XRRA1: variants seen among roughly 807,000 people sequenced by gnomAD.
XRRA1 encodes the protein X-ray radiation resistance associated 1.
In XRRA1, 69 loss-of-function variants were observed where a neutral mutation model predicts 80.2. The observed-to-expected ratio is 0.86, with a 90% CI of 0.71 to 1.05. The LOEUF (loss-of-function observed/expected upper bound fraction) is 1.05, where lower values mean the gene tolerates loss of function less well. XRRA1 is among the 50% of genes least tolerant of loss of function. The pLI, the probability that XRRA1 is intolerant of heterozygous loss-of-function variation, is 0.00. For synonymous variants in XRRA1, 348 were observed against 389.9 expected, an observed-to-expected ratio of 0.89 and a Z score of 1.27; for missense variants, 967 against 976.4, an observed-to-expected ratio of 0.99 and a Z score of 0.13.
intron 8 of XRRA1, among the ~76,000 whole-genome samples, chr11:74,908,860 A>G (rs78145628): frequency 0.021 from 3,186 of 152,328 alleles, 108 homozygotes; most frequent in African/African-American, 0.073. Context: ...GATCTGTAAC[A>G]TAATTAGTAG....
At chr11:74,910,440 C>T (rs2055615407) in intron 8 of XRRA1, among the ~76,000 whole-genome samples, 1 of 152,092 alleles carries the variant, frequency 6.6e-6, no homozygotes, top group Non-Finnish European at 1.5e-5. Flanking sequence ...CAGCTCAAAA[C>T]AAGCAATAGA....
chr11:74,925,088 C>T (rs955187467), intron 7 of XRRA1, among the ~76,000 whole-genome samples: 8 of 152,104 alleles, frequency 5.3e-5, no homozygotes, highest in African/African-American at 1.9e-4. Context: ...GAATTAAGGG[C>T]AATTTAAAGA....
At chr11:74,882,503 C>G (rs1445461101) in intron 10 of XRRA1, among the ~76,000 whole-genome samples, 3 of 152,192 alleles carry the variant, frequency 2.0e-5, no homozygotes, top group Non-Finnish European at 4.4e-5. Context: ...GCCTTCTTCT[C>G]TCAGCTCGTC....
At chr11:74,923,231 CTT>C (rs1006940675) in intron 7 of XRRA1, among the ~76,000 whole-genome samples, 57 of 152,298 alleles carry the variant, frequency 3.7e-4, no homozygotes, top group African/African-American at 1.3e-3. Flanking sequence ...AGGAGGCAGC[CTT>C]TCTTGTTCTG....
chr11:74,932,602 G>A (rs1399743954), intron 5 of XRRA1, among the ~76,000 whole-genome samples: 3 of 152,198 alleles, frequency 2.0e-5, no homozygotes, highest in Non-Finnish European at 4.4e-5. Context: ...GGTATCCAAT[G>A]AGGGGACTGA....
At chr11:74,873,218 T>C (rs2045277736) in intron 10 of XRRA1, among the ~76,000 whole-genome samples, 1 of 152,186 alleles carries the variant, frequency 6.6e-6, no homozygotes, top group Admixed American at 6.5e-5. Flanking sequence ...GAAGCCATTA[T>C]TAATAACCTG....
chr11:74,877,587 T>C (rs900559025), intron 10 of XRRA1, among the ~76,000 whole-genome samples: 5 of 151,010 alleles, frequency 3.3e-5, no homozygotes, highest in African/African-American at 1.2e-4. Context: ...GCATTAGGTA[T>C]ATCTCCCGAT....
Position 74,844,177 on chromosome 11 carries a change from T to C in XRRA1, c.2034A>G (p.Lys678=). 3 of 1,613,764 alleles carry C rather than the reference T, an allele frequency of 1.9e-6. No homozygotes were observed. Among genetic ancestry groups the C allele is most frequent in the Non-Finnish European group, 2.5e-6 (3 of 1,179,698 alleles). The change falls in exon 17 of 19, where the codon AAA becomes AAG. Residue 678 remains lysine (K), a synonymous_variant. Coordinates refer to ENST00000684022, the MANE Select transcript of XRRA1 (RefSeq NM_001378157.1). ...LDTLQKPYVH[K]EKRAQRIPIP... is the part of the protein sequence containing the mutation. ...TGAGCTGGATGTTTACCCGTTTCTC[T>C]TTGTGAACATAGGGTTTCTGAAGAG...
chr11:74,847,975 C>T (rs959646228), intron 15 of XRRA1, 140 bp downstream of exon 15: 9 of 741,588 alleles, frequency 1.2e-5, no homozygotes, highest in African/African-American at 3.5e-5. Flanking sequence ...TTGCAAGCTC[C>T]ACCAAGGGTG....
intron 15 of XRRA1, among the ~76,000 whole-genome samples, chr11:74,846,708 A>G (rs2038287143): frequency 6.6e-6 from 1 of 152,166 alleles, no homozygotes; most frequent in Non-Finnish European, 1.5e-5. Flanking sequence ...TGTCATGATT[A>G]AAAAACACTC....
chr11:74,910,415 C>G (rs1388388788), intron 8 of XRRA1, among the ~76,000 whole-genome samples: 1 of 151,960 alleles, frequency 6.6e-6, no homozygotes, highest in Non-Finnish European at 1.5e-5. Context: ...ATGAAAGAGC[C>G]AAAGTAGCAG....
At chr11:74,889,072 C>T (rs539964203) in intron 10 of XRRA1, among the ~76,000 whole-genome samples, 50 of 152,160 alleles carry the variant, frequency 3.3e-4, no homozygotes, top group Middle Eastern at 3.4e-3. Context: ...AGATACTCCT[C>T]GAGAAGAGCA....
At chr11:74,906,167 T>C in intron 10 of XRRA1, 72 bp downstream of exon 10, 1 of 1,434,774 alleles carries the variant, frequency 7.0e-7, no homozygotes, top group Non-Finnish European at 9.6e-7. Flanking sequence ...CAAGTGAGAC[T>C]TTCAGAATAA....
chr11:74,902,626 G>A (rs1410104609), intron 10 of XRRA1, among the ~76,000 whole-genome samples: 1 of 152,174 alleles, frequency 6.6e-6, no homozygotes, highest in Non-Finnish European at 1.5e-5. Flanking sequence ...GAACGTGGAT[G>A]GAACTGGAGG....
intron 10 of XRRA1, among the ~76,000 whole-genome samples, chr11:74,867,566 T>C (rs945250703): frequency 6.6e-6 from 1 of 152,268 alleles, no homozygotes; most frequent in South Asian, 2.1e-4. Flanking sequence ...CTGAGAAATA[T>C]GGGATTATGT....
chr11:74,843,236 G>C lies in XRRA1; in HGVS notation c.2367C>G (p.Phe789Leu). 6.4e-7 allele frequency: 1 copy of C among 1,562,142 alleles called. No individual in the cohort carries two copies. ...FGHFLEFMDE[F>L]CQEPTASDSQ... Reference sequence around the variant, plus strand: ...AGTCACTGGCTGTGGGCTCCTGGCAGAACTCATCCATGAACTCGAGGAAGT... The same window carrying C: ...AGTCACTGGCTGTGGGCTCCTGGCACAACTCATCCATGAACTCGAGGAAGT... Residue 789 changes from phenylalanine to leucine, a missense_variant, in exon 19 of 19, where the codon TTC becomes TTG. Physicochemically the swap from Phe to Leu is conservative, Grantham distance 22 (BLOSUM62 0). Transcript: ENST00000684022.
At position 74,852,064 on chromosome 11, in the gene XRRA1, C is replaced by G. The variant is rs2135575575; in HGVS notation, c.1189G>C (p.Val397Leu). The G allele has an allele frequency of 6.2e-7, 1 of 1,613,908 alleles. No individual in the cohort carries two copies. Among genetic ancestry groups the G allele is most frequent in the Non-Finnish European group, 8.5e-7 (1 of 1,179,828 alleles). ...GATGGGAAGAGAGCTACTGGTAGGA[C>G]AGCATCCTCTTTTGCGATCTGTAAT... ...AYNKIAKEDAVLPVALFPSLC... is the reference protein window; with the variant it reads ...AYNKIAKEDALLPVALFPSLC... Residue 397 changes from valine (V) to leucine (L), a missense_variant, in exon 13 of 19, where the codon GTC becomes CTC. Physicochemically the swap from Val to Leu is conservative, Grantham distance 32 (BLOSUM62 1). Coordinates refer to ENST00000684022, the MANE Select transcript of XRRA1 (RefSeq NM_001378157.1).
intron 5 of XRRA1, 27 bp from the exon 6 acceptor site, chr11:74,930,399 A>C (rs1414442192): frequency 1.3e-6 from 2 of 1,524,740 alleles, no homozygotes; most frequent in African/African-American, 2.8e-5. Context: ...CAGAAAAAAA[A>C]AAAAATCCAC....
At position 74,936,931 on chromosome 11, in the gene XRRA1, CCCG is replaced by C. The variant is rs1945140840; in HGVS notation, c.229_231del (p.Arg77del). On this transcript the variant is annotated inframe_deletion, in exon 4 of 19. Transcript: ENST00000684022. ...TGTCCAGGAAGGTCCACCTGATTTT[CCCG>C]CCGAGACTCTTTCTTCCCCTTGAAC... is the stretch of plus-strand genomic sequence containing the variant. 6.2e-7 allele frequency: 1 copy of C among 1,613,822 alleles called. No individual in the cohort carries two copies. The highest frequency in any genetic ancestry group is 1.3e-5 in the African/African-American group (1 of 75,024).
Sources: allele counts gnomAD v4.1 joint callset (sites outside exome capture counted in the v4.1 genomes callset), GRCh38; gene constraint gnomAD v4.1.1; transcripts MANE v1.5; gene names NCBI Gene and HGNC (gene_info 2026-07-23, HGNC 2026-07-21).